The following SNTB2 variants were observed in gnomAD, a reference collection of about 807,000 sequenced individuals.
The protein encoded by SNTB2 is beta-2-syntrophin.
In SNTB2, 34 loss-of-function variants were observed where a neutral mutation model predicts 46.2. The observed-to-expected ratio is 0.74, with a 90% confidence interval of 0.56 to 0.98. The LOEUF (loss-of-function observed/expected upper bound fraction) is 0.98. SNTB2 is among the 50% of genes least tolerant of loss of function. SNTB2 has a pLI of 0.00. For missense variants in SNTB2, 603 were observed against 731.4 expected (o/e 0.82, Z 2.02); for synonymous variants, 290 against 312.6 (o/e 0.93, Z 0.76).
chr16:69,195,533 A>G (rs760210983), intron 1 of SNTB2, among the ~76,000 whole-genome samples: 1 of 151,792 alleles, frequency 6.6e-6, no homozygotes, highest in Non-Finnish European at 1.5e-5. Context: ...GCCTTATGTA[A>G]CTCCTGAGAC....
At chr16:69,258,456 C>G (rs146827345) in intron 2 of SNTB2, among the ~76,000 whole-genome samples, 1 of 151,856 alleles carries the variant, frequency 6.6e-6, no homozygotes, top group Non-Finnish European at 1.5e-5. Flanking sequence ...ACAGATTGCT[C>G]TTGGTGAGCA....
intron 1 of SNTB2, among the ~76,000 whole-genome samples, chr16:69,232,539 G>C (rs1356295707): frequency 1.0e-5 from 1 of 97,030 alleles, no homozygotes; most frequent in Non-Finnish European, 2.0e-5. Flanking sequence ...TGGAGACGGA[G>C]TCTCGCTCTG....
At chr16:69,275,618 G>A (rs1964979704) in intron 4 of SNTB2, among the ~76,000 whole-genome samples, 1 of 152,160 alleles carries the variant, frequency 6.6e-6, no homozygotes, top group Non-Finnish European at 1.5e-5. Context: ...AGACCAGAAG[G>A]TATCCTGCAG....
In SNTB2 at chr16:69,249,520, C is replaced by A. The variant is rs114409308; in HGVS notation, c.794+3705C>A. On this transcript the variant is annotated intron_variant, in intron 2 of 6. Transcript: ENST00000336278. ...TTCGTCATTCACTAAGGATTGAAGT[C>A]CAGTTAACCTTGGTCTTTGTTAAAA... Among the ~76,000 whole-genome samples, 537 of 152,274 alleles carry A rather than the reference C, an allele frequency of 3.5e-3. 4 individuals are homozygous for A. The highest frequency in any genetic ancestry group is 0.011 in the African/African-American group (450 of 41,554).
Position 69,285,350 on chromosome 16 carries a change from A to ATC in SNTB2, c.1345+1112_1345+1113dup, listed in dbSNP as rs940134206. ...GTACAACATGACATTTTTATAGTTC[A>ATC]TCTCTCTTTTTTTTTTTTTTTTTTT... On this transcript the variant is annotated intron_variant, in intron 5 of 6. Transcript: ENST00000336278. 5.1e-5 allele frequency among the ~76,000 whole-genome samples: 7 copies of ATC among 138,134 alleles called. No homozygotes were observed. In the East Asian group the frequency reaches 1.4e-3, roughly 27 times the overall value. 90.6% of individuals were successfully genotyped at this position (138,134 alleles called of 152,430 possible). A position where few individuals can be genotyped will look rare whatever the true frequency, so the allele number is the denominator to read the frequency against.
chr16:69,293,874 T>C (rs570490731), intron 5 of SNTB2, among the ~76,000 whole-genome samples: 1 of 152,314 alleles, frequency 6.6e-6, no homozygotes, highest in South Asian at 2.1e-4. Flanking sequence ...GAGGGAGATG[T>C]AGAGCCTATC....
intron 4 of SNTB2, among the ~76,000 whole-genome samples, chr16:69,276,399 C>T (rs1485260867): frequency 1.3e-5 from 2 of 152,216 alleles, no homozygotes; most frequent in Non-Finnish European, 2.9e-5. Flanking sequence ...GAATTAGATT[C>T]CCTTTGCCAA....
intron 5 of SNTB2, among the ~76,000 whole-genome samples, chr16:69,299,124 G>C (rs1965255216): frequency 6.6e-6 from 1 of 151,718 alleles, no homozygotes; most frequent in Non-Finnish European, 1.5e-5. Flanking sequence ...CCTCATCTCA[G>C]TGACCAAAAC....
At chr16:69,287,863 A>AATATAT (rs147955492) in intron 5 of SNTB2, among the ~76,000 whole-genome samples, 1 of 147,828 alleles carries the variant, frequency 6.8e-6, no homozygotes, top group Non-Finnish European at 1.5e-5. Flanking sequence ...TGTCTCAAAA[A>AATATAT]ATATATATAT....
intron 1 of SNTB2, among the ~76,000 whole-genome samples, chr16:69,218,423 CTT>C (rs574555246): frequency 1.4e-5 from 2 of 145,208 alleles, no homozygotes; most frequent in Admixed American, 1.4e-4. Context: ...TCTTCTTCTT[CTT>C]TTTTTTTTTT....
intron 2 of SNTB2, among the ~76,000 whole-genome samples, chr16:69,247,685 C>G (rs1467661049): frequency 1.3e-5 from 2 of 152,140 alleles, no homozygotes; most frequent in African/African-American, 4.8e-5. Context: ...CCCTTCACTT[C>G]CATACACCAC....
intron 1 of SNTB2, among the ~76,000 whole-genome samples, chr16:69,213,133 G>A (rs1483511978): frequency 6.6e-6 from 1 of 151,970 alleles, no homozygotes; most frequent in African/African-American, 2.4e-5. Flanking sequence ...ATGTAAAATG[G>A]GAGTAATAAC....
At chr16:69,291,578 A>C (rs1965159453) in intron 5 of SNTB2, among the ~76,000 whole-genome samples, 1 of 151,936 alleles carries the variant, frequency 6.6e-6, no homozygotes, top group Non-Finnish European at 1.5e-5. Flanking sequence ...GCATGGTGGC[A>C]TGCACCTGTA....
chr16:69,236,282 G>A (rs1964559890), intron 1 of SNTB2, among the ~76,000 whole-genome samples: 1 of 152,152 alleles, frequency 6.6e-6, no homozygotes, highest in African/African-American at 2.4e-5. Flanking sequence ...CTTTTAAATC[G>A]GGAGTGGCCT....
intron 1 of SNTB2, among the ~76,000 whole-genome samples, chr16:69,198,121 G>T (rs934177151): frequency 1.3e-5 from 2 of 148,702 alleles, no homozygotes; most frequent in Non-Finnish European, 3.0e-5. Context: ...TTTTTTTTGG[G>T]GGGTAGGGGA....
chr16:69,211,955 C>G (rs972512140), intron 1 of SNTB2, among the ~76,000 whole-genome samples: 2 of 152,110 alleles, frequency 1.3e-5, no homozygotes, highest in African/African-American at 4.8e-5. Context: ...GTACTTCTTT[C>G]CTTTGTGTAC....
chr16:69,282,162 C>T (rs1965055726), intron 4 of SNTB2, among the ~76,000 whole-genome samples: 4 of 149,712 alleles, frequency 2.7e-5, no homozygotes, highest in Admixed American at 2.0e-4. Flanking sequence ...GCCTTGGCCT[C>T]CCAAAGTGCT....
intron 5 of SNTB2, among the ~76,000 whole-genome samples, chr16:69,287,102 T>C (rs548246940): frequency 1.3e-5 from 2 of 152,312 alleles, no homozygotes; most frequent in South Asian, 4.1e-4. Flanking sequence ...CTAAAGGAAA[T>C]AAGGTTGGTT....
chr16:69,234,223 C>T (rs1236284993), intron 1 of SNTB2, among the ~76,000 whole-genome samples: 2 of 152,112 alleles, frequency 1.3e-5, no homozygotes, highest in African/African-American at 2.4e-5. Context: ...ATCCCAGCTA[C>T]TAGGGAGCCT....
Sources: gnomAD v4.1 joint callset for allele counts (sites outside exome capture counted in the v4.1 genomes callset) on GRCh38, gnomAD v4.1.1 for gene constraint, MANE v1.5 for transcripts, NCBI Gene and HGNC (gene_info 2026-07-23, HGNC 2026-07-21) for gene names.